NUP88: variants seen among roughly 807,000 people sequenced by gnomAD.
NUP88 encodes nucleoporin 88.
In NUP88, 57 loss-of-function variants were observed where a neutral mutation model predicts 93.9. The ratio of observed to expected loss-of-function variants is 0.61; its 90% CI spans 0.49 to 0.76. NUP88 has a LOEUF of 0.76. Ranked by LOEUF, NUP88 falls within the 30% of genes least tolerant of loss-of-function variation. The pLI is 0.00. For missense variants in NUP88, 911 were observed against 901.0 expected (o/e 1.01, Z -0.14); for synonymous variants, 346 against 336.8 (o/e 1.03, Z -0.30).
intron 1 of NUP88, among the ~76,000 whole-genome samples, chr17:5,418,819 C>G (rs1179534966): frequency 6.6e-6 from 1 of 152,150 alleles, no homozygotes; most frequent in African/African-American, 2.4e-5. Flanking sequence ...CTGGATCACA[C>G]CCATTTTCAC....
chr17:5,394,238 C>G (rs1912629065), intron 9 of NUP88, among the ~76,000 whole-genome samples: 1 of 152,048 alleles, frequency 6.6e-6, no homozygotes, highest in Admixed American at 6.6e-5. Context: ...TAGAGAAGAC[C>G]CAAGGAAAGA....
intron 4 of NUP88, among the ~76,000 whole-genome samples, chr17:5,409,457 A>C (rs1057443929): frequency 2.0e-5 from 3 of 152,180 alleles, no homozygotes; most frequent in Non-Finnish European, 4.4e-5. Context: ...CTCTCATCTT[A>C]AATAGTTTAA....
chr17:5,385,467 T>C lies in NUP88; in HGVS notation c.*739A>G, dbSNP rs1298105670. ...AGTCACTCAGCCATTTCTAAGCAGA[T>C]ATAGTAGTACCTTTCAGAACTCACA... On this transcript the variant is annotated 3_prime_UTR_variant, in exon 17 of 17. Transcript: ENST00000573584. The C allele has an allele frequency of 4.3e-5, 10 of 230,584 alleles. No homozygotes were observed. The highest frequency in any genetic ancestry group is 7.7e-5 in the Non-Finnish European group (9 of 116,502). The allele number at this position is 230,584 out of a possible 1,614,324, so 14.3% of individuals were successfully genotyped here.
At chr17:5,403,108 C>T (rs1420838925) in intron 7 of NUP88, among the ~76,000 whole-genome samples, 2 of 152,166 alleles carry the variant, frequency 1.3e-5, no homozygotes, top group African/African-American at 2.4e-5. Flanking sequence ...TTCTGGAAGG[C>T]CGAGGCAGGT....
chr17:5,418,818 A>G lies in NUP88; in HGVS notation c.297+536T>C, dbSNP rs546625267. Reference sequence around the variant, plus strand: ...AAGTGTGTAATACTTTCTGGATCACACCCATTTTCACATGCTGTCGGCTAA... The same window carrying G: ...AAGTGTGTAATACTTTCTGGATCACGCCCATTTTCACATGCTGTCGGCTAA... On this transcript the variant is annotated intron_variant, in intron 1 of 16. Coordinates refer to ENST00000573584, the MANE Select transcript of NUP88 (RefSeq NM_002532.6). 2.9e-3 allele frequency among the ~76,000 whole-genome samples: 438 copies of G among 152,284 alleles called. 4 individuals carry two copies. The highest frequency in any genetic ancestry group is 6.8e-3 in the Middle Eastern group (2 of 294).
intron 10 of NUP88, 110 bp from the exon 11 acceptor site, chr17:5,389,070 C>A (rs1339544601): frequency 1.2e-6 from 1 of 858,894 alleles, no homozygotes. Flanking sequence ...TAAAGTGTAA[C>A]TTTTGTAAAA....
chr17:5,410,195 T>A (rs1913750018), intron 4 of NUP88, among the ~76,000 whole-genome samples: 2 of 152,230 alleles, frequency 1.3e-5, no homozygotes, highest in Non-Finnish European at 2.9e-5. Flanking sequence ...AGATTTTCAT[T>A]TTCTTCCTAA....
chr17:5,389,845 G>C (rs1912298438), intron 10 of NUP88, among the ~76,000 whole-genome samples: 1 of 150,426 alleles, frequency 6.6e-6, no homozygotes, highest in South Asian at 2.1e-4. Flanking sequence ...GTATTTCAGG[G>C]AGTTGGCAGA....
intron 5 of NUP88, among the ~76,000 whole-genome samples, chr17:5,407,275 T>G (rs926790898): frequency 6.6e-6 from 1 of 152,222 alleles, no homozygotes; most frequent in Non-Finnish European, 1.5e-5. Flanking sequence ...TGTAATAGCA[T>G]TTCCTTAAAG....
At chr17:5,402,968 T>A (rs1913259452) in intron 7 of NUP88, among the ~76,000 whole-genome samples, 1 of 152,156 alleles carries the variant, frequency 6.6e-6, no homozygotes, top group South Asian at 2.1e-4. Context: ...CCAGCCTAGA[T>A]GACACAGTGA....
chr17:5,408,325 C>T (rs1913613978), intron 5 of NUP88, among the ~76,000 whole-genome samples: 1 of 152,196 alleles, frequency 6.6e-6, no homozygotes. Flanking sequence ...CCTCGGGGTT[C>T]TTACTGTCTG....
chr17:5,412,661 C>G (rs927158666), intron 3 of NUP88, among the ~76,000 whole-genome samples: 2 of 152,032 alleles, frequency 1.3e-5, no homozygotes, highest in African/African-American at 2.4e-5. Context: ...ACCCCACCCC[C>G]CCACATACAC....
chr17:5,398,625 C>T (rs1221126128), intron 8 of NUP88, among the ~76,000 whole-genome samples: 16 of 149,710 alleles, frequency 1.1e-4, no homozygotes, highest in Admixed American at 1.3e-4. Flanking sequence ...GAGTCTCGCT[C>T]TGTCGCCTGG....
intron 7 of NUP88, among the ~76,000 whole-genome samples, chr17:5,400,159 C>G (rs1913060484): frequency 1.6e-5 from 1 of 63,806 alleles, no homozygotes; most frequent in Non-Finnish European, 3.2e-5. Flanking sequence ...AAAAAAAAAG[C>G]ACTGTGAACC....
chr17:5,386,050 TACTC>T lies in NUP88; in HGVS notation c.*152_*155del, dbSNP rs1188116156. The T allele has an allele frequency of 3.5e-6, 2 of 576,814 alleles. No homozygotes were observed. Among genetic ancestry groups the T allele is most frequent in the Admixed American group, 3.4e-5 (1 of 29,258 alleles). The allele number at this position is 576,814 out of a possible 1,614,324, so 35.7% of individuals were successfully genotyped here. On this transcript the variant is annotated 3_prime_UTR_variant, in exon 17 of 17. Transcript: ENST00000573584. The stretch of plus-strand genomic sequence containing the variant: ...ATTCCAAATTTTAAATAAAAGCATT[TACTC>T]AATTATTATAAAACAACATATTTAA...
Position 5,414,026 on chromosome 17 carries a change from T to C in NUP88, c.576A>G (p.Thr192=), listed in dbSNP as rs901943936. 6.2e-7 allele frequency: 1 copy of C among 1,613,860 alleles called. No individual in the cohort carries two copies. Among genetic ancestry groups the C allele is most frequent in the Non-Finnish European group, 8.5e-7 (1 of 1,179,800 alleles). Residue 192 remains threonine (T), a synonymous_variant, in exon 3 of 17, where the codon ACA becomes ACG. Coordinates refer to ENST00000573584, the MANE Select transcript of NUP88 (RefSeq NM_002532.6). The part of the protein sequence containing the change: ...EILDPHVVLL[T]SDNVIRIYSL... ...AAATTTACCTGATTACGTTGTCTGATGTTAACAGCACTACGTGGGGATCCA... is the reference window on the plus strand; with the variant it reads ...AAATTTACCTGATTACGTTGTCTGACGTTAACAGCACTACGTGGGGATCCA...
chr17:5,398,002 G>A (rs1421098600), intron 8 of NUP88, among the ~76,000 whole-genome samples: 1 of 150,660 alleles, frequency 6.6e-6, no homozygotes, highest in African/African-American at 2.4e-5. Flanking sequence ...TACCTCCCAG[G>A]TTCAAGCGAT....
chr17:5,399,798 G>A, intron 7 of NUP88, 148 bp from the exon 8 acceptor site: 3 of 475,722 alleles, frequency 6.3e-6, no homozygotes, highest in East Asian at 3.4e-5. Context: ...TAGGGGTTTT[G>A]AAATTTTAAA....
chr17:5,419,379 TCGC>T lies in NUP88; in HGVS notation c.269_271del (p.Gly90del), dbSNP rs1259533253. On this transcript the variant is annotated inframe_deletion, in exon 1 of 17. Coordinates refer to ENST00000573584, the MANE Select transcript of NUP88 (RefSeq NM_002532.6). ...CTGGTACTGGGACAGGGCGGGCTCT[TCGC>T]CGCCGCCGCTGGGGCCCCGAAGGCG... 12 of 1,602,004 alleles carry T rather than the reference TCGC, an allele frequency of 7.5e-6. No homozygotes were observed. The highest frequency in any genetic ancestry group is 1.7e-4 in the Middle Eastern group (1 of 6,024).
Sources: allele counts gnomAD v4.1 joint callset (sites outside exome capture counted in the v4.1 genomes callset), GRCh38; gene constraint gnomAD v4.1.1; transcripts MANE v1.5; gene names NCBI Gene and HGNC (gene_info 2026-07-23, HGNC 2026-07-21).